SLC47A2: variants seen among roughly 807,000 people sequenced by gnomAD.
The protein encoded by SLC47A2 is solute carrier family 47 member 2, also known as multidrug and toxin extrusion protein 2.
In SLC47A2, 52 loss-of-function variants were observed where a neutral mutation model predicts 67.7. The ratio of observed to expected loss-of-function variants is 0.77; its 90% confidence interval spans 0.61 to 0.97. SLC47A2 has a LOEUF of 0.97. SLC47A2 is among the 50% of genes least tolerant of loss of function. The pLI is 0.00. For synonymous variants in SLC47A2, 278 were observed against 292.9 expected (o/e 0.95, Z 0.52); for missense variants, 676 against 712.3 (o/e 0.95, Z 0.58).
At chr17:19,714,074 G>T in intron 3 of SLC47A2, 101 bp from the exon 4 acceptor site, 1 of 1,465,722 alleles carries the variant, frequency 6.8e-7, no homozygotes, top group Non-Finnish European at 9.1e-7. Flanking sequence ...GGTGTGTGGC[G>T]GACCCGGCGG....
chr17:19,689,423 A>G (rs1431068178), intron 13 of SLC47A2, among the ~76,000 whole-genome samples: 3 of 152,186 alleles, frequency 2.0e-5, no homozygotes, highest in Non-Finnish European at 4.4e-5. Context: ...ATGGCCAGGC[A>G]CGCTGGCTTA....
chr17:19,712,451 T>A (rs1046237044), intron 5 of SLC47A2, among the ~76,000 whole-genome samples: 8 of 152,158 alleles, frequency 5.3e-5, no homozygotes, highest in African/African-American at 1.9e-4. Flanking sequence ...GAATTATAGG[T>A]GATTTGAATT....
At chr17:19,686,761 A>G (rs1039607719) in intron 13 of SLC47A2, among the ~76,000 whole-genome samples, 3 of 152,230 alleles carry the variant, frequency 2.0e-5, no homozygotes, top group African/African-American at 2.4e-5. Flanking sequence ...TTATAAATAT[A>G]TATGTACCCA....
chr17:19,678,788 T>C lies in SLC47A2; in HGVS notation c.1599A>G (p.Leu533=). ...GGCGGATGACCAGCTGTTTCACTGA[T>C]AGTCTGCTGGTAGGAGCTGAAAGGG... ...AHALSAPTSR[L]SVKQLVIRRG... Residue 533 remains leucine (L), a synonymous_variant, in exon 17 of 17, where the codon CTA becomes CTG. Coordinates refer to ENST00000433844, the MANE Select transcript of SLC47A2 (RefSeq NM_001099646.3). The C allele has an allele frequency of 6.2e-7, 1 of 1,614,238 alleles. No homozygotes were observed. The highest frequency in any genetic ancestry group is 8.5e-7 in the Non-Finnish European group (1 of 1,180,042).
chr17:19,704,262 G>A (rs1041822805), intron 10 of SLC47A2, 84 bp from the exon 11 acceptor site: 31 of 1,128,722 alleles, frequency 2.7e-5, no homozygotes, highest in East Asian at 7.6e-5. Flanking sequence ...CAAGAGGGAC[G>A]TGAGCGGGAA....
intron 13 of SLC47A2, among the ~76,000 whole-genome samples, chr17:19,695,499 C>CAAAAAAAAAAAAAAAGAAAA (rs369851386): frequency 1.8e-5 from 1 of 55,426 alleles, no homozygotes; most frequent in Non-Finnish European, 3.2e-5. Context: ...AAACAAAGAA[C>CAAAAAAAAAAAAAAAGAAAA]AAAAAAAAAA....
rs1567611747 is a variant in SLC47A2, at chr17:19,678,569, G to T, written c.*117C>A. On this transcript the variant is annotated 3_prime_UTR_variant, in exon 17 of 17. Transcript: ENST00000433844. ...AATCAGCCAAAGTTCTTTTTTTGAG[G>T]AGTGGTTCAAAGTGTCCACCTGCAC... 1 of 1,042,300 alleles carries T rather than the reference G, an allele frequency of 9.6e-7. No individual in the cohort carries two copies. Among genetic ancestry groups the T allele is most frequent in the Non-Finnish European group, 1.4e-6 (1 of 700,982 alleles). 64.6% of individuals were successfully genotyped at this position (1,042,300 alleles called of 1,614,324 possible).
At chr17:19,690,212 A>G (rs1329207604) in intron 13 of SLC47A2, among the ~76,000 whole-genome samples, 1 of 152,248 alleles carries the variant, frequency 6.6e-6, no homozygotes, top group Non-Finnish European at 1.5e-5. Flanking sequence ...AAAACTGGAT[A>G]TTCATACGTA....
rs2085238255 is a variant in SLC47A2, at chr17:19,678,559, T to G, written c.*127A>C. On this transcript the variant is annotated 3_prime_UTR_variant, in exon 17 of 17. Coordinates refer to ENST00000433844, the MANE Select transcript of SLC47A2 (RefSeq NM_001099646.3). ...CACCACAAGGAATCAGCCAAAGTTC[T>G]TTTTTTGAGGAGTGGTTCAAAGTGT... 1 of 962,298 alleles carries G rather than the reference T, an allele frequency of 1.0e-6. No homozygotes were observed. Among genetic ancestry groups the G allele is most frequent in the Admixed American group, 2.4e-5 (1 of 42,266 alleles). 59.6% of individuals were successfully genotyped at this position (962,298 alleles called of 1,614,324 possible).
Position 19,678,576 on chromosome 17 carries a change from T to C in SLC47A2, c.*110A>G. 8.6e-7 allele frequency: 1 copy of C among 1,167,310 alleles called. No individual in the cohort carries two copies. Among genetic ancestry groups the C allele is most frequent in the Non-Finnish European group, 1.2e-6 (1 of 803,176 alleles). The allele number at this position is 1,167,310 out of a possible 1,614,324, so 72.3% of individuals were successfully genotyped here. On this transcript the variant is annotated 3_prime_UTR_variant, in exon 17 of 17. Transcript: ENST00000433844. ...CAAAGTTCTTTTTTTGAGGAGTGGT[T>C]CAAAGTGTCCACCTGCACTAGACCC...
At chr17:19,696,739 T>G (rs927243868) in intron 13 of SLC47A2, among the ~76,000 whole-genome samples, 4 of 152,260 alleles carry the variant, frequency 2.6e-5, no homozygotes, top group Admixed American at 6.5e-5. Flanking sequence ...GTTATGGCAG[T>G]GCTAGTGTCT....
rs371271570 is a variant in SLC47A2 at position 19,707,826 on chromosome 17, T to C, written c.647A>G (p.Asn216Ser). The change falls in exon 8 of 17, where the codon AAC (asparagine) becomes AGC (serine). Residue 216 changes from asparagine to serine, a missense_variant. By Grantham distance (46) the Asn-to-Ser change is conservative (BLOSUM62 1). Coordinates refer to ENST00000433844, the MANE Select transcript of SLC47A2 (RefSeq NM_001099646.3). ...NLGVRGSAYANIISQFAQTVF... is the reference protein window; with the variant it reads ...NLGVRGSAYASIISQFAQTVF... ...GGTCTGTGCAAACTGGGAGATGATG[T>C]TGGCATAGGCGGAGCCCCTGGGTAA... The C allele has an allele frequency of 9.4e-6, 15 of 1,601,036 alleles. No homozygotes were observed. In the East Asian group the frequency reaches 2.3e-4, roughly 24 times the overall value.
intron 13 of SLC47A2, among the ~76,000 whole-genome samples, chr17:19,698,769 GTA>G (rs1360102706): frequency 6.6e-6 from 1 of 152,188 alleles, no homozygotes; most frequent in African/African-American, 2.4e-5. Context: ...GCAGTGTTAA[GTA>G]TATAGCCAGC....
intron 9 of SLC47A2, among the ~76,000 whole-genome samples, chr17:19,706,309 A>G (rs113933120): frequency 0.026 from 3,919 of 152,054 alleles, 172 homozygotes; most frequent in African/African-American, 0.09. Flanking sequence ...CCGCAAACCA[A>G]CTGAATCTCT....
At chr17:19,707,694 G>A in intron 8 of SLC47A2, 52 bp downstream of exon 8, 1 of 1,496,204 alleles carries the variant, frequency 6.7e-7, no homozygotes, top group Non-Finnish European at 9.1e-7. Context: ...CAAGGCTAGG[G>A]CAGCACCACC....
chr17:19,714,594 G>T, intron 3 of SLC47A2, 127 bp downstream of exon 3: 1 of 1,065,886 alleles, frequency 9.4e-7, no homozygotes, highest in Non-Finnish European at 1.4e-6. Flanking sequence ...GGCAGGGGCA[G>T]CTGACCCCAG....
At chr17:19,694,700 G>A (rs968523914) in intron 13 of SLC47A2, among the ~76,000 whole-genome samples, 10 of 151,964 alleles carry the variant, frequency 6.6e-5, no homozygotes, top group Admixed American at 2.6e-4. Flanking sequence ...GGTGGATCAC[G>A]AGGTCAGGAA....
At chr17:19,711,773 G>A (rs1363510429) in intron 5 of SLC47A2, among the ~76,000 whole-genome samples, 2 of 151,946 alleles carry the variant, frequency 1.3e-5, no homozygotes, top group Non-Finnish European at 2.9e-5. Context: ...TCCACTTCCA[G>A]TAATGCATTT....
At chr17:19,679,900 GCCACTGACATTTA>G (rs984774819) in intron 16 of SLC47A2, 39 bp downstream of exon 16, 198 of 1,552,836 alleles carry the variant, frequency 1.3e-4, no homozygotes, top group Middle Eastern at 5.1e-4. Context: ...AGAGCAACAT[GCCACTGACATTTA>G]TATGTGTACC....
Sources: gnomAD v4.1 joint callset for allele counts (sites outside exome capture counted in the v4.1 genomes callset) on GRCh38, gnomAD v4.1.1 for gene constraint, MANE v1.5 for transcripts, NCBI Gene and HGNC (gene_info 2026-07-23, HGNC 2026-07-21) for gene names.